The following DSCAM variants were observed in gnomAD, a reference collection of about 807,000 sequenced individuals.
The protein encoded by DSCAM is DS cell adhesion molecule.
Under a neutral mutation model 217.7 loss-of-function variants are expected in DSCAM, and 47 were observed. The ratio of observed to expected loss-of-function variants is 0.22; its 90% CI spans 0.17 to 0.28. The LOEUF (loss-of-function observed/expected upper bound fraction) is 0.28. DSCAM is among the 10% of genes least tolerant of loss of function. DSCAM has a pLI of 1.00. For synonymous variants in DSCAM, 1,056 were observed against 1,015.3 expected (o/e 1.04, Z -0.76); for missense variants, 2,080 against 2,618.3 (o/e 0.79, Z 4.49).
chr21:40,094,248 G>A (rs1294803585), intron 20 of DSCAM, among the ~76,000 whole-genome samples: 1 of 152,132 alleles, frequency 6.6e-6, no homozygotes. Context: ...GGTAATAAAT[G>A]ACAGTGATCT....
In DSCAM at chr21:40,055,194, G is replaced by A. The variant is rs540336168; in HGVS notation, c.5035+531C>T. Among the ~76,000 whole-genome samples, 5 of 152,300 alleles carry A rather than the reference G, an allele frequency of 3.3e-5. No individual in the cohort carries two copies. The South Asian group carries it at 1.0e-3, about 32-fold the overall frequency. On this transcript the variant is annotated intron_variant, in intron 29 of 32. Coordinates refer to ENST00000400454, the MANE Select transcript of DSCAM (RefSeq NM_001389.5). ...GCCCTGGTGTTTTTCCCAAAGTGCT[G>A]CTGGGGAAACAGCTGCAGGATGTTT...
At chr21:40,237,398 T>C (rs1046818283) in intron 11 of DSCAM, among the ~76,000 whole-genome samples, 1 of 152,126 alleles carries the variant, frequency 6.6e-6, no homozygotes, top group African/African-American at 2.4e-5. Context: ...TGGTGTGTGA[T>C]GTTCCCCTCC....
chr21:40,612,758 C>A (rs555801734), intron 3 of DSCAM, among the ~76,000 whole-genome samples: 1 of 152,154 alleles, frequency 6.6e-6, no homozygotes, highest in Admixed American at 6.5e-5. Flanking sequence ...GGAAGAAGGA[C>A]ATGTGTGGAC....
In DSCAM at chr21:40,252,496, G is replaced by C. The variant is rs76464510; in HGVS notation, c.2356+23601C>G. Among the ~76,000 whole-genome samples, 179 of 152,228 alleles carry C rather than the reference G, an allele frequency of 1.2e-3. 2 individuals carry two copies. The East Asian group carries it at 0.021, about 18-fold the overall frequency. On this transcript the variant is annotated intron_variant, in intron 11 of 32. Coordinates refer to ENST00000400454, the MANE Select transcript of DSCAM (RefSeq NM_001389.5). ...AATTTCAGATCTTGAGTAGGAAAAA[G>C]AGAAATATTTCTATCACCATCTTTT... is the stretch of plus-strand genomic sequence containing the variant.
intron 1 of DSCAM, among the ~76,000 whole-genome samples, chr21:40,782,017 A>C (rs1210881670): frequency 6.6e-6 from 1 of 151,060 alleles, no homozygotes; most frequent in South Asian, 2.1e-4. Context: ...AAAAGAAAAA[A>C]AAAATTAGCC....
chr21:40,210,223 A>T (rs1163009463), intron 11 of DSCAM, among the ~76,000 whole-genome samples: 2 of 152,058 alleles, frequency 1.3e-5, no homozygotes, highest in East Asian at 3.9e-4. Flanking sequence ...TCCAGGTTAA[A>T]CTCACGTCCT....
intron 3 of DSCAM, among the ~76,000 whole-genome samples, chr21:40,412,052 A>T (rs1434344619): frequency 6.6e-6 from 1 of 152,144 alleles, no homozygotes; most frequent in Non-Finnish European, 1.5e-5. Flanking sequence ...TTCATTTGGC[A>T]TTCATTCTCT....
intron 3 of DSCAM, among the ~76,000 whole-genome samples, chr21:40,397,180 ATT>A (rs2075186743): frequency 6.6e-6 from 1 of 152,014 alleles, no homozygotes; most frequent in African/African-American, 2.4e-5. Flanking sequence ...GGCAATAATC[ATT>A]GTCTCAGTGA....
intron 3 of DSCAM, among the ~76,000 whole-genome samples, chr21:40,438,367 C>T (rs2075601937): frequency 6.6e-6 from 1 of 152,114 alleles, no homozygotes; most frequent in African/African-American, 2.4e-5. Context: ...AGAACAGTTC[C>T]TGATATACAG....
chr21:40,118,534 C>A (rs1468786554), intron 20 of DSCAM, among the ~76,000 whole-genome samples: 1 of 152,084 alleles, frequency 6.6e-6, no homozygotes, highest in Admixed American at 6.6e-5. Context: ...TTGCAGTGAG[C>A]CGAGATTGCG....
At chr21:40,612,134 C>G (rs534183452) in intron 3 of DSCAM, among the ~76,000 whole-genome samples, 1 of 152,130 alleles carries the variant, frequency 6.6e-6, no homozygotes, top group African/African-American at 2.4e-5. Flanking sequence ...GAAGGTTGTA[C>G]GCTTAGAGGG....
chr21:40,127,343 TA>T (rs1264422242), intron 19 of DSCAM, among the ~76,000 whole-genome samples: 1 of 151,998 alleles, frequency 6.6e-6, no homozygotes, highest in Non-Finnish European at 1.5e-5. Context: ...TAGGATGGAG[TA>T]AAAAACGGTA....
chr21:40,527,149 G>C (rs554157986), intron 3 of DSCAM, among the ~76,000 whole-genome samples: 1 of 152,082 alleles, frequency 6.6e-6, no homozygotes, highest in Non-Finnish European at 1.5e-5. Context: ...TGGACATACA[G>C]GTGAAGCTCT....
Position 40,708,580 on chromosome 21 carries a change from C to T in DSCAM, c.235G>A (p.Gly79Ser), listed in dbSNP as rs1443338323. 1 of 1,609,784 alleles carries T rather than the reference C, an allele frequency of 6.2e-7. No individual in the cohort carries two copies. The highest frequency in any genetic ancestry group is 8.5e-7 in the Non-Finnish European group (1 of 1,177,686). ...GGGAAGGGGAAAATTTGGAGAGTGC[C>T]GTTGGGGTGGACGTGGCGGATCCCG... Reference protein sequence around the residue: ...VPGIRHVHPNGTLQIFPFPPS... With the variant: ...VPGIRHVHPNSTLQIFPFPPS... Residue 79 changes from glycine (G) to serine (S), a missense_variant, in exon 2 of 33, where the codon GGC (glycine) becomes AGC (serine). Coordinates refer to ENST00000400454, the MANE Select transcript of DSCAM (RefSeq NM_001389.5).
chr21:40,147,665 T>C (rs144365028), intron 16 of DSCAM, among the ~76,000 whole-genome samples: 14 of 152,312 alleles, frequency 9.2e-5, no homozygotes, highest in Non-Finnish European at 1.5e-4. Flanking sequence ...TGCATTTCAG[T>C]CTATTTATCT....
chr21:40,375,489 C>T (rs1247551501), intron 3 of DSCAM, among the ~76,000 whole-genome samples: 1 of 152,204 alleles, frequency 6.6e-6, no homozygotes, highest in African/African-American at 2.4e-5. Context: ...CCAGATCTCT[C>T]CCTGGATGGG....
chr21:40,801,634 G>C (rs2091741537), intron 1 of DSCAM, among the ~76,000 whole-genome samples: 1 of 152,184 alleles, frequency 6.6e-6, no homozygotes, highest in African/African-American at 2.4e-5. Flanking sequence ...TCTGTTTCCT[G>C]CACTCCAGAA....
At chr21:40,378,364 G>A (rs937217964) in intron 3 of DSCAM, among the ~76,000 whole-genome samples, 2 of 152,004 alleles carry the variant, frequency 1.3e-5, no homozygotes, top group African/African-American at 4.8e-5. Flanking sequence ...AACCTCTATA[G>A]GTGGGCATGT....
At chr21:40,501,489 T>TA (rs1437651420) in intron 3 of DSCAM, among the ~76,000 whole-genome samples, 12 of 152,224 alleles carry the variant, frequency 7.9e-5, no homozygotes, top group Non-Finnish European at 1.2e-4. Flanking sequence ...TTGTGATATA[T>TA]AAAGACTGTC....
Sources: gnomAD v4.1 joint callset for allele counts (sites outside exome capture counted in the v4.1 genomes callset) on GRCh38, gnomAD v4.1.1 for gene constraint, MANE v1.5 for transcripts, NCBI Gene and HGNC (gene_info 2026-07-23, HGNC 2026-07-21) for gene names.